The following PRKCH variants were observed in gnomAD, a reference collection of about 807,000 sequenced individuals.
The protein encoded by PRKCH is protein kinase C eta.
PRKCH carries 28 observed loss-of-function variants against 82.5 expected under a neutral mutation model. That is an observed-to-expected ratio of 0.34 (90% CI 0.25 to 0.47). The LOEUF (loss-of-function observed/expected upper bound fraction) is 0.47, where lower values mean the gene tolerates loss of function less well. Among genes scored for constraint, PRKCH ranks in the 20% least tolerant of loss-of-function variants. PRKCH has a pLI of 1.00. For missense variants in PRKCH, 705 were observed against 881.8 expected, an observed-to-expected ratio of 0.80 and a Z score of 2.54; for synonymous variants, 322 against 327.4, an observed-to-expected ratio of 0.98 and a Z score of 0.18.
In PRKCH at chr14:61,247,266, CT is replaced by C. The variant is rs1016601088; in HGVS notation, c.-19+59611del. The stretch of plus-strand genomic sequence containing the variant: ...AAGCAAAGTTCCCTAGGACATTAGA[CT>C]TTTTTTTTTTTTAAACTCTGTAGGA... On this transcript the variant is annotated intron_variant, in intron 1 of 3. Transcript: ENST00000555185. Among the ~76,000 whole-genome samples, 634 of 145,586 alleles carry C rather than the reference CT, an allele frequency of 4.4e-3. 1 individual carries two copies. Among genetic ancestry groups the C allele is most frequent in the Middle Eastern group, 0.011 (3 of 278 alleles).
chr14:61,310,182 C>T (rs138699801), intron 1 of PRKCH, among the ~76,000 whole-genome samples: 6,090 of 152,286 alleles, frequency 0.04, 175 homozygotes, highest in Middle Eastern at 0.078. Context: ...ATTTCAAAAC[C>T]AATCATGCCT....
intron 2 of PRKCH, among the ~76,000 whole-genome samples, chr14:61,409,834 G>A (rs1417351344): frequency 2.0e-5 from 3 of 151,992 alleles, no homozygotes; most frequent in African/African-American, 7.3e-5. Flanking sequence ...GAGATTGAAT[G>A]GTAAGAGCCA....
At chr14:61,546,983 G>C (rs2043265690) in intron 12 of PRKCH, among the ~76,000 whole-genome samples, 1 of 152,134 alleles carries the variant, frequency 6.6e-6, no homozygotes, top group Non-Finnish European at 1.5e-5. Context: ...CAGCACTAAG[G>C]AAGTTTCCCA....
At chr14:61,528,541 C>T (rs1383862197) in intron 10 of PRKCH, among the ~76,000 whole-genome samples, 1 of 152,106 alleles carries the variant, frequency 6.6e-6, no homozygotes, top group Non-Finnish European at 1.5e-5. Flanking sequence ...AATGGTGAAC[C>T]GCATAAACAC....
At chr14:61,210,289 G>A (rs2140045251) in intron 1 of PRKCH, among the ~76,000 whole-genome samples, 1 of 151,622 alleles carries the variant, frequency 6.6e-6, no homozygotes, top group South Asian at 2.1e-4. Context: ...ACTCCAGCCT[G>A]AGTGACAGAG....
At chr14:61,375,673 A>G (rs1354944574) in intron 1 of PRKCH, among the ~76,000 whole-genome samples, 1 of 151,992 alleles carries the variant, frequency 6.6e-6, no homozygotes, top group Non-Finnish European at 1.5e-5. Context: ...CTCACTGACT[A>G]TCATGAGAAC....
intron 1 of PRKCH, among the ~76,000 whole-genome samples, chr14:61,289,781 G>A (rs1386090480): frequency 6.6e-6 from 1 of 152,232 alleles, no homozygotes. Flanking sequence ...GCATAAGAGT[G>A]AAGGCAGAAG....
chr14:61,200,711 TGAGA>T (rs777986995), intron 1 of PRKCH, among the ~76,000 whole-genome samples: 17 of 150,836 alleles, frequency 1.1e-4, no homozygotes, highest in South Asian at 2.1e-4. Context: ...TAAGATATTT[TGAGA>T]GAGAGAGAGA....
intron 1 of PRKCH, chr14:61,361,014 GACA>G (rs1200414768): frequency 6.6e-6 from 1 of 152,222 alleles, no homozygotes; most frequent in Non-Finnish European, 1.5e-5. Context: ...TTCCATGATT[GACA>G]ACCCCAGTGG....
intron 1 of PRKCH, among the ~76,000 whole-genome samples, chr14:61,245,578 C>G (rs2044872258): frequency 6.6e-6 from 1 of 152,194 alleles, no homozygotes; most frequent in African/African-American, 2.4e-5. Flanking sequence ...TGTTCCTCCC[C>G]ACCAAAGGGG....
At chr14:61,520,087 AAAAG>A (rs1176116115) in intron 10 of PRKCH, among the ~76,000 whole-genome samples, 258 of 152,060 alleles carry the variant, frequency 1.7e-3, no homozygotes, top group African/African-American at 5.3e-3. Context: ...AAAAAAAAAA[AAAAG>A]AAAGAAAGAT....
At chr14:61,396,479 CAT>C (rs2046785158) in intron 2 of PRKCH, among the ~76,000 whole-genome samples, 1 of 152,102 alleles carries the variant, frequency 6.6e-6, no homozygotes, top group Non-Finnish European at 1.5e-5. Context: ...ATGAACGAGA[CAT>C]AGACACTCTC....
At chr14:61,244,996 T>C (rs1276340287) in intron 1 of PRKCH, among the ~76,000 whole-genome samples, 17 of 152,192 alleles carry the variant, frequency 1.1e-4, no homozygotes, top group Admixed American at 8.5e-4. Context: ...AAACCTACTA[T>C]ACCTGAGGCA....
At chr14:61,262,219 T>TAAAAAAAAAAAAAGAAA (rs2045053917) in intron 1 of PRKCH, among the ~76,000 whole-genome samples, 1 of 106,614 alleles carries the variant, frequency 9.4e-6, no homozygotes, top group East Asian at 2.8e-4. Flanking sequence ...AGACTCTGTA[T>TAAAAAAAAAAAAAGAAA]AAAAAAAAAA....
intron 1 of PRKCH, among the ~76,000 whole-genome samples, chr14:61,352,273 T>A (rs2046086627): frequency 6.6e-6 from 1 of 152,200 alleles, no homozygotes; most frequent in Non-Finnish European, 1.5e-5. Flanking sequence ...TTTCCCTTAT[T>A]TATCCTTTCC....
chr14:61,423,366 T>C (rs1269208650), intron 2 of PRKCH, among the ~76,000 whole-genome samples: 1 of 152,244 alleles, frequency 6.6e-6, no homozygotes, highest in Non-Finnish European at 1.5e-5. Context: ...ATTTTTGGTC[T>C]ACTTGAGGGT....
In PRKCH at chr14:61,461,473, ATCT is replaced by A. The variant is rs149120804; in HGVS notation, c.1278+3800_1278+3802del. 6.9e-3 allele frequency among the ~76,000 whole-genome samples: 1,049 copies of A among 152,280 alleles called. 4 individuals are homozygous for A. The highest frequency in any genetic ancestry group is 0.011 in the Non-Finnish European group (782 of 68,016). On this transcript the variant is annotated intron_variant, in intron 9 of 13. Transcript: ENST00000332981. Reference sequence around the variant, plus strand: ...GCCGCAGAGCCAGGTGACCTCTCAGATCTTCTTCCTAGGGCCTGAGCCAAACAT... The same window carrying A: ...GCCGCAGAGCCAGGTGACCTCTCAGATCTTCCTAGGGCCTGAGCCAAACAT...
At chr14:61,212,923 C>T (rs118150966) in intron 1 of PRKCH, among the ~76,000 whole-genome samples, 316 of 152,312 alleles carry the variant, frequency 2.1e-3, no homozygotes, top group Non-Finnish European at 3.1e-3. Context: ...CTCATGCACA[C>T]ATTTCCTGGG....
chr14:61,533,659 A>G (rs1334545114), intron 12 of PRKCH, among the ~76,000 whole-genome samples: 1 of 152,166 alleles, frequency 6.6e-6, no homozygotes, highest in African/African-American at 2.4e-5. Flanking sequence ...TCCTTGGGCA[A>G]ATGGCCTAAT....
Sources: allele counts gnomAD v4.1 joint callset (sites outside exome capture counted in the v4.1 genomes callset), GRCh38; gene constraint gnomAD v4.1.1; transcripts MANE v1.5; gene names NCBI Gene and HGNC (gene_info 2026-07-23, HGNC 2026-07-21).